The following SPAG16 variants were observed in gnomAD, a reference collection of about 807,000 sequenced individuals.
SPAG16 encodes the protein sperm associated antigen 16, also known as sperm-associated antigen 16 protein.
SPAG16 carries 86 observed loss-of-function variants against 80.4 expected under a neutral mutation model. That is an observed-to-expected ratio of 1.07 (90% CI 0.90 to 1.28). The LOEUF (loss-of-function observed/expected upper bound fraction) is 1.28, where lower values mean the gene tolerates loss of function less well. Ranked by LOEUF, SPAG16 falls within the 50% of genes most tolerant of loss-of-function variation. SPAG16 has a pLI of 0.00. For missense variants in SPAG16, 870 were observed against 765.3 expected (o/e 1.14, Z -1.61); for synonymous variants, 294 against 265.9 (o/e 1.11, Z -1.03).
At chr2:213,668,916 G>A (rs144135262) in intron 10 of SPAG16, among the ~76,000 whole-genome samples, 7,442 of 152,176 alleles carry the variant, frequency 0.049, 601 homozygotes, top group African/African-American at 0.17. Context: ...CCTAAGTGCT[G>A]GGATTACAGG....
At chr2:214,292,489 C>T (rs1351874165) in intron 15 of SPAG16, among the ~76,000 whole-genome samples, 6 of 151,930 alleles carry the variant, frequency 3.9e-5, no homozygotes, top group African/African-American at 1.4e-4. Flanking sequence ...ATAAATTTTT[C>T]ATTTTCAGTA....
At chr2:214,062,441 A>G (rs1414753791) in intron 13 of SPAG16, among the ~76,000 whole-genome samples, 2 of 150,204 alleles carry the variant, frequency 1.3e-5, no homozygotes, top group Admixed American at 6.6e-5. Context: ...AAAAAAAAAA[A>G]AAAGAAACCA....
At position 214,260,504 on chromosome 2, in the gene SPAG16, T is replaced by C. The variant is rs1455697642; in HGVS notation, c.1720+111238T>C. Among the ~76,000 whole-genome samples the C allele has an allele frequency of 2.0e-4, 30 of 152,064 alleles. 1 individual carries two copies. The highest frequency in any genetic ancestry group is 2.0e-3 in the Admixed American group (30 of 15,264). ...CCAAACATTAGAGAAAATAATTTAG[T>C]CCTTGGTTCATCTGACTACACTGGC... On this transcript the variant is annotated intron_variant, in intron 15 of 15. Transcript: ENST00000331683.
At chr2:213,286,056 AAC>A (rs1194737270) in intron 1 of SPAG16, 6 of 517,524 alleles carry the variant, frequency 1.2e-5, no homozygotes, top group Non-Finnish European at 2.0e-5. Context: ...AGTCTAACAT[AAC>A]ACAACTTTCA....
chr2:214,255,437 C>T (rs984871747), intron 15 of SPAG16, among the ~76,000 whole-genome samples: 1 of 152,018 alleles, frequency 6.6e-6, no homozygotes, highest in African/African-American at 2.4e-5. Flanking sequence ...TTTATTATAG[C>T]TAATTTATCC....
chr2:214,231,941 T>C (rs1688729434), intron 15 of SPAG16, among the ~76,000 whole-genome samples: 1 of 152,248 alleles, frequency 6.6e-6, no homozygotes, highest in Non-Finnish European at 1.5e-5. Context: ...CAAATACTTT[T>C]TCTATGTGTT....
At chr2:213,822,130 T>A (rs1158269172) in intron 10 of SPAG16, among the ~76,000 whole-genome samples, 1 of 152,186 alleles carries the variant, frequency 6.6e-6, no homozygotes. Context: ...TCCAAACTGT[T>A]CTCCATAGTG....
chr2:213,993,971 G>A (rs2046397605), intron 12 of SPAG16, among the ~76,000 whole-genome samples: 1 of 152,092 alleles, frequency 6.6e-6, no homozygotes, highest in Non-Finnish European at 1.5e-5. Flanking sequence ...ACACATGAGA[G>A]GTAAAAAGCA....
At chr2:214,117,641 G>A (rs1398001967) in intron 14 of SPAG16, among the ~76,000 whole-genome samples, 2 of 152,016 alleles carry the variant, frequency 1.3e-5, no homozygotes, top group Middle Eastern at 3.2e-3. Context: ...ACAGCACATC[G>A]AAAAGATCAT....
chr2:214,363,305 G>A (rs190593167), intron 15 of SPAG16, among the ~76,000 whole-genome samples: 44 of 151,970 alleles, frequency 2.9e-4, no homozygotes, highest in African/African-American at 8.2e-4. Flanking sequence ...AGGGCTTCTC[G>A]ATGGCTAAAT....
intron 4 of SPAG16, among the ~76,000 whole-genome samples, chr2:213,312,446 C>T (rs2063230161): frequency 6.6e-6 from 1 of 151,756 alleles, no homozygotes; most frequent in Admixed American, 6.6e-5. Flanking sequence ...CCTACACTGA[C>T]TGTTCCCCTA....
At chr2:214,049,132 A>G (rs141566408) in intron 13 of SPAG16, among the ~76,000 whole-genome samples, 244 of 152,256 alleles carry the variant, frequency 1.6e-3, no homozygotes, top group African/African-American at 5.3e-3. Flanking sequence ...GATGAGGTCT[A>G]CTATGTTGCC....
intron 15 of SPAG16, among the ~76,000 whole-genome samples, chr2:214,295,316 T>C (rs1240984074): frequency 6.6e-6 from 1 of 152,242 alleles, no homozygotes; most frequent in African/African-American, 2.4e-5. Flanking sequence ...ACTCATACCA[T>C]GAGAAATGAT....
Position 214,259,854 on chromosome 2 carries a change from A to G in SPAG16, c.1720+110588A>G, listed in dbSNP as rs1264651890. ...TTATCCAGCTGCGTTATCTACATAG[A>G]GAGCCAGATCATCTGTCTCAGGCAG... On this transcript the variant is annotated intron_variant, in intron 15 of 15. Transcript: ENST00000331683. Among the ~76,000 whole-genome samples the G allele has an allele frequency of 2.6e-5, 4 of 152,192 alleles. No homozygotes were observed. The East Asian group carries it at 7.7e-4, about 29-fold the overall frequency.
intron 11 of SPAG16, among the ~76,000 whole-genome samples, chr2:213,903,747 G>T (rs781119441): frequency 6.6e-5 from 10 of 152,064 alleles, no homozygotes; most frequent in Non-Finnish European, 1.3e-4. Flanking sequence ...CTATCACATT[G>T]TCATTTTTTG....
chr2:214,341,963 C>T (rs1307881037), intron 15 of SPAG16, among the ~76,000 whole-genome samples: 1 of 151,810 alleles, frequency 6.6e-6, no homozygotes. Context: ...TAACAGAAGA[C>T]TACAAGATAA....
At chr2:213,984,895 A>T (rs1308714701) in intron 12 of SPAG16, among the ~76,000 whole-genome samples, 1 of 152,112 alleles carries the variant, frequency 6.6e-6, no homozygotes, top group Non-Finnish European at 1.5e-5. Context: ...TACATGGCTT[A>T]TTCCCTCACT....
chr2:213,707,147 G>A (rs1379413585), intron 10 of SPAG16, among the ~76,000 whole-genome samples: 4 of 152,138 alleles, frequency 2.6e-5, no homozygotes, highest in Non-Finnish European at 5.9e-5. Flanking sequence ...AGATTATTAG[G>A]CACCATCTTG....
intron 15 of SPAG16, among the ~76,000 whole-genome samples, chr2:214,191,510 C>T (rs1299809054): frequency 6.6e-6 from 1 of 151,662 alleles, no homozygotes; most frequent in Admixed American, 6.6e-5. Context: ...GTCAGGAGTT[C>T]CAGACCAGCT....
Sources: allele counts gnomAD v4.1 joint callset (sites outside exome capture counted in the v4.1 genomes callset), GRCh38; gene constraint gnomAD v4.1.1; transcripts MANE v1.5; gene names NCBI Gene and HGNC (gene_info 2026-07-23, HGNC 2026-07-21).